SCHIP1: variants seen among roughly 807,000 people sequenced by gnomAD.
The protein encoded by SCHIP1 is schwannomin interacting protein 1, also known as schwannomin-interacting protein 1.
A neutral mutation model predicts 29.7 loss-of-function variants in SCHIP1; 8 were observed. That is an observed-to-expected ratio of 0.27 (90% CI 0.16 to 0.49). The LOEUF is 0.49. Ranked by LOEUF, SCHIP1 falls within the 20% of genes least tolerant of loss-of-function variation. SCHIP1 has a pLI of 0.99. For missense variants in SCHIP1, 193 were observed against 294.6 expected, an observed-to-expected ratio of 0.66 and a Z score of 2.52; for synonymous variants, 76 against 94.9, an observed-to-expected ratio of 0.80 and a Z score of 1.16.
chr3:159,777,252 A>G, the SCHIP1 span, among the ~76,000 whole-genome samples: 1 of 152,214 alleles, frequency 6.6e-6, no homozygotes, highest in Non-Finnish European at 1.5e-5. Context: ...TGAGATCCAA[A>G]GAGGCTAAAT....
the SCHIP1 span, among the ~76,000 whole-genome samples, chr3:159,729,482 A>G: frequency 6.6e-6 from 1 of 152,336 alleles, no homozygotes; most frequent in African/African-American, 2.4e-5. Flanking sequence ...AATTATTGGA[A>G]ACAATAAGAT....
chr3:159,828,786 A>C, the SCHIP1 span, among the ~76,000 whole-genome samples: 1 of 152,132 alleles, frequency 6.6e-6, no homozygotes, highest in African/African-American at 2.4e-5. Context: ...TTGTATTGGT[A>C]GGCAAGGCTA....
chr3:159,634,768 C>T, the SCHIP1 span, among the ~76,000 whole-genome samples: 3 of 152,162 alleles, frequency 2.0e-5, no homozygotes, highest in East Asian at 1.9e-4. Flanking sequence ...GCATAATTAC[C>T]GCATTTGGAG....
chr3:159,288,550 C>A, the SCHIP1 span, among the ~76,000 whole-genome samples: 1 of 152,232 alleles, frequency 6.6e-6, no homozygotes. Context: ...TCAGCCTGAT[C>A]AACATGGGGA....
chr3:159,864,470 TACACACACACACACACACAC>T (rs58371525), intron 1 of SCHIP1, among the ~76,000 whole-genome samples: 39 of 139,932 alleles, frequency 2.8e-4, no homozygotes, highest in African/African-American at 6.3e-4. Context: ...ATGGCTGTAC[TACACACACACACACACACAC>T]ACACACACAC....
At chr3:159,858,798 C>T (rs1713700202) in intron 1 of SCHIP1, among the ~76,000 whole-genome samples, 3 of 152,170 alleles carry the variant, frequency 2.0e-5, no homozygotes. Flanking sequence ...CTCGTGGGTA[C>T]AGGTCCTGAG....
chr3:159,647,491 G>A, the SCHIP1 span, among the ~76,000 whole-genome samples: 5 of 152,216 alleles, frequency 3.3e-5, no homozygotes, highest in African/African-American at 1.2e-4. Context: ...AACATAATGG[G>A]CTTGTGAGAA....
At chr3:159,539,256 G>T in the SCHIP1 span, among the ~76,000 whole-genome samples, 6 of 138,780 alleles carry the variant, frequency 4.3e-5, 2 homozygotes, top group African/African-American at 1.5e-4. Context: ...AAGAACTTAG[G>T]GTTATAATTT....
the SCHIP1 span, among the ~76,000 whole-genome samples, chr3:159,694,008 C>G: frequency 1.3e-5 from 2 of 152,076 alleles, no homozygotes; most frequent in Non-Finnish European, 2.9e-5. Flanking sequence ...AATTTAGGCC[C>G]ATGGTGAGCA....
the SCHIP1 span, among the ~76,000 whole-genome samples, chr3:159,563,830 GA>G: frequency 1.3e-5 from 2 of 149,552 alleles, no homozygotes. Context: ...TCTCAAAAAA[GA>G]AAAAAAAAGT....
the SCHIP1 span, among the ~76,000 whole-genome samples, chr3:159,575,874 A>G: frequency 6.6e-6 from 1 of 152,120 alleles, no homozygotes; most frequent in East Asian, 1.9e-4. Context: ...TCCCCACCAC[A>G]GATTAGTTAA....
At chr3:159,895,023 G>A (rs940208220) in intron 6 of SCHIP1, among the ~76,000 whole-genome samples, 7 of 152,306 alleles carry the variant, frequency 4.6e-5, no homozygotes, top group Admixed American at 4.6e-4. Flanking sequence ...AAAAATTACT[G>A]TGAGAACTGT....
chr3:159,427,705 A>G, the SCHIP1 span, among the ~76,000 whole-genome samples: 2 of 152,088 alleles, frequency 1.3e-5, no homozygotes, highest in Admixed American at 1.3e-4. Context: ...TTTAAAGTTC[A>G]TATGGAACCA....
At chr3:159,357,915 A>G in the SCHIP1 span, among the ~76,000 whole-genome samples, 1 of 152,210 alleles carries the variant, frequency 6.6e-6, no homozygotes, top group African/African-American at 2.4e-5. Context: ...GATGATATAC[A>G]GAAAGTCCTG....
chr3:159,742,860 G>GTTT, the SCHIP1 span, among the ~76,000 whole-genome samples: 4 of 134,216 alleles, frequency 3.0e-5, no homozygotes, highest in African/African-American at 8.7e-5. Flanking sequence ...TTTTTTTTTG[G>GTTT]ATTTTTAGTA....
At chr3:159,632,016 A>G in the SCHIP1 span, among the ~76,000 whole-genome samples, 2 of 152,178 alleles carry the variant, frequency 1.3e-5, no homozygotes, top group Admixed American at 6.5e-5. Flanking sequence ...CTTTTCAAAA[A>G]GAAAGAAAAC....
the SCHIP1 span, among the ~76,000 whole-genome samples, chr3:159,469,641 G>C: frequency 6.6e-6 from 1 of 152,068 alleles, no homozygotes; most frequent in Admixed American, 6.6e-5. Flanking sequence ...TGGGGAGAAC[G>C]GCATCTTTAA....
chr3:159,837,442 G>T (rs74285268), upstream of SCHIP1, among the ~76,000 whole-genome samples: 1,972 of 152,204 alleles, frequency 0.013, 101 homozygotes, highest in South Asian at 0.15. Flanking sequence ...CAGAACCTTG[G>T]CTGGACACGG....
At chr3:159,713,238 A>G in the SCHIP1 span, among the ~76,000 whole-genome samples, 5 of 41,480 alleles carry the variant, frequency 1.2e-4, no homozygotes, top group Admixed American at 2.2e-4. Context: ...GAAAGGAAGA[A>G]AGAAAGAAAG....
Sources: allele counts gnomAD v4.1 joint callset (sites outside exome capture counted in the v4.1 genomes callset), GRCh38; gene constraint gnomAD v4.1.1; transcripts MANE v1.5; gene names NCBI Gene and HGNC (gene_info 2026-07-23, HGNC 2026-07-21).